The following ATF7IP2 variants were observed in gnomAD, a reference collection of about 807,000 sequenced individuals.
ATF7IP2 encodes the protein activating transcription factor 7 interacting protein 2, also known as activating transcription factor 7-interacting protein 2.
In ATF7IP2, 42 loss-of-function variants were observed where a neutral mutation model predicts 64.2. That is an observed-to-expected ratio of 0.65 (90% confidence interval 0.51 to 0.85). The LOEUF is 0.85. ATF7IP2 is among the 40% of genes least tolerant of loss of function. The pLI, the probability that ATF7IP2 is intolerant of heterozygous loss-of-function variation, is 0.00. For missense variants in ATF7IP2, 933 were observed against 784.2 expected (o/e 1.19, Z -2.27); for synonymous variants, 308 against 272.8 (o/e 1.13, Z -1.27).
At chr16:10,470,151 G>C (rs1309410093) in intron 9 of ATF7IP2, among the ~76,000 whole-genome samples, 1 of 151,988 alleles carries the variant, frequency 6.6e-6, no homozygotes, top group African/African-American at 2.4e-5. Context: ...TTTCTTTATA[G>C]TGTATACACA....
chr16:10,410,393 A>G (rs1193096498), intron 1 of ATF7IP2, among the ~76,000 whole-genome samples: 4 of 151,770 alleles, frequency 2.6e-5, no homozygotes, highest in East Asian at 1.9e-4. Flanking sequence ...TCCCCCAGCT[A>G]TTGTAAAAGT....
chr16:10,429,082 A>T (rs977688373), intron 4 of ATF7IP2, 66 bp downstream of exon 4: 1 of 152,184 alleles, frequency 6.6e-6, no homozygotes, highest in Non-Finnish European at 1.5e-5. Context: ...TTTGTAGGAC[A>T]CAAAACTGTA....
intron 13 of ATF7IP2, 83 bp downstream of exon 13, chr16:10,481,047 G>A (rs2050203784): frequency 9.7e-7 from 1 of 1,026,952 alleles, no homozygotes; most frequent in African/African-American, 1.6e-5. Flanking sequence ...GAAACATTTG[G>A]GTCACATTTC....
At chr16:10,403,649 A>T (rs1365789387) in intron 1 of ATF7IP2, among the ~76,000 whole-genome samples, 1 of 152,250 alleles carries the variant, frequency 6.6e-6, no homozygotes, top group African/African-American at 2.4e-5. Context: ...AAGAGCTCAA[A>T]ATGTTTTTAA....
In ATF7IP2 at chr16:10,426,964, T is replaced by TA. The variant is rs1283976595; in HGVS notation, c.-159-1903dup. Among the ~76,000 whole-genome samples the TA allele has an allele frequency of 3.3e-5, 5 of 152,092 alleles. No homozygotes were observed. In the East Asian group the frequency reaches 9.7e-4, roughly 29 times the overall value. On this transcript the variant is annotated intron_variant, in intron 3 of 13. Transcript: ENST00000562102. ...ATCTCCCGGGTTCAAGCGATTCTCTTACCTTGTCCTCCCAAGTAGCCGGGA... is the reference window on the plus strand; with the variant it reads ...ATCTCCCGGGTTCAAGCGATTCTCTTAACCTTGTCCTCCCAAGTAGCCGGGA...
intron 9 of ATF7IP2, among the ~76,000 whole-genome samples, chr16:10,467,318 C>G (rs562777947): frequency 6.6e-6 from 1 of 152,078 alleles, no homozygotes; most frequent in Non-Finnish European, 1.5e-5. Context: ...TTCTTATACT[C>G]TCAAATAGCA....
intron 12 of ATF7IP2, 65 bp from the exon 13 acceptor site, chr16:10,480,814 C>A: frequency 9.2e-7 from 1 of 1,087,630 alleles, no homozygotes; most frequent in Non-Finnish European, 1.4e-6. Flanking sequence ...TAAACTATAG[C>A]TTAAAGGCTA....
intron 1 of ATF7IP2, among the ~76,000 whole-genome samples, chr16:10,405,287 T>A (rs1451716359): frequency 6.6e-6 from 1 of 152,002 alleles, no homozygotes; most frequent in Non-Finnish European, 1.5e-5. Flanking sequence ...GGAGAATTGC[T>A]TGAACCCAGG....
At position 10,482,353 on chromosome 16, in the gene ATF7IP2, CCCTTTCTAT is replaced by C; in HGVS notation, c.*105_*113del. The C allele has an allele frequency of 3.6e-6, 3 of 838,426 alleles. No homozygotes were observed. Among genetic ancestry groups the C allele is most frequent in the Non-Finnish European group, 5.5e-6 (3 of 544,468 alleles). 51.9% of individuals were successfully genotyped at this position (838,426 alleles called of 1,614,324 possible). A position where few individuals can be genotyped will look rare whatever the true frequency, so the allele number is the denominator to read the frequency against. On this transcript the variant is annotated 3_prime_UTR_variant, in exon 14 of 14. Coordinates refer to ENST00000562102, the MANE Select transcript of ATF7IP2 (RefSeq NM_001393719.1). ...GTAAAAGGCCAGCTCAGATTGTGAG[CCCTTTCTAT>C]TGGGACAGTCCTCTTCTATATGTTT...
At chr16:10,442,957 C>G (rs543256737) in intron 8 of ATF7IP2, among the ~76,000 whole-genome samples, 1 of 152,306 alleles carries the variant, frequency 6.6e-6, no homozygotes, top group East Asian at 1.9e-4. Flanking sequence ...TGGTACCCCT[C>G]ATGGGACTCC....
At chr16:10,472,596 C>G (rs2049841230) in intron 10 of ATF7IP2, among the ~76,000 whole-genome samples, 2 of 152,138 alleles carry the variant, frequency 1.3e-5, no homozygotes, top group South Asian at 2.1e-4. Flanking sequence ...TGGCTCACAC[C>G]TGTAATCCAA....
At chr16:10,409,629 G>A (rs749321081) in intron 1 of ATF7IP2, among the ~76,000 whole-genome samples, 35 of 152,208 alleles carry the variant, frequency 2.3e-4, no homozygotes, top group African/African-American at 4.8e-4. Context: ...GTTTCACGGC[G>A]TTAGCCAGGA....
chr16:10,392,594 CTT>C (rs2047348668), intron 1 of ATF7IP2, among the ~76,000 whole-genome samples: 3 of 152,064 alleles, frequency 2.0e-5, no homozygotes, highest in African/African-American at 7.2e-5. Context: ...ACTAGAAAGA[CTT>C]TGTAGTTTGT....
chr16:10,406,437 TAAAG>T (rs946950619), intron 1 of ATF7IP2, among the ~76,000 whole-genome samples: 3 of 152,038 alleles, frequency 2.0e-5, no homozygotes, highest in African/African-American at 4.8e-5. Context: ...TGATGCATCT[TAAAG>T]AACTAGAAAA....
At chr16:10,393,591 T>C (rs760125660) in intron 1 of ATF7IP2, among the ~76,000 whole-genome samples, 4 of 152,300 alleles carry the variant, frequency 2.6e-5, no homozygotes, top group Non-Finnish European at 5.9e-5. Flanking sequence ...TAGGCTAATA[T>C]GAGTGTTCTG....
intron 12 of ATF7IP2, among the ~76,000 whole-genome samples, chr16:10,476,109 G>A (rs1275755190): frequency 6.6e-6 from 1 of 152,142 alleles, no homozygotes; most frequent in Non-Finnish European, 1.5e-5. Flanking sequence ...AAAATGTAAA[G>A]GTTGTTTGTA....
intron 1 of ATF7IP2, among the ~76,000 whole-genome samples, chr16:10,410,798 A>G (rs2047743983): frequency 6.6e-6 from 1 of 152,060 alleles, no homozygotes; most frequent in Non-Finnish European, 1.5e-5. Context: ...CTTCTTCCTG[A>G]TTTAAATGTT....
rs762171634 is a variant in ATF7IP2 at position 10,431,247 on chromosome 16, A to T, written c.627A>T (p.Ser209=). The T allele has an allele frequency of 1.2e-6, 2 of 1,614,204 alleles. No individual in the cohort carries two copies. The highest frequency in any genetic ancestry group is 1.7e-6 in the Non-Finnish European group (2 of 1,180,014). The change falls in exon 5 of 14, where the codon TCA becomes TCT. Residue 209 remains serine (S), a synonymous_variant. Transcript: ENST00000562102. ...TAGAAACAAACTCCAATTCAGAATC[A>T]CATGATAAAAGGCAAAGTGACAACA... ...FHLETNSNSE[S]HDKRQSDNIL...
chr16:10,460,346 C>T (rs545011266), intron 9 of ATF7IP2, among the ~76,000 whole-genome samples: 1 of 152,226 alleles, frequency 6.6e-6, no homozygotes, highest in South Asian at 2.1e-4. Flanking sequence ...GTCAGTATCT[C>T]AGTGTGTAAT....
Sources: gnomAD v4.1 joint callset for allele counts (sites outside exome capture counted in the v4.1 genomes callset) on GRCh38, gnomAD v4.1.1 for gene constraint, MANE v1.5 for transcripts, NCBI Gene and HGNC (gene_info 2026-07-23, HGNC 2026-07-21) for gene names.